Variants in AOAH observed in about 807,000 individuals in gnomAD.
AOAH encodes the protein acyloxyacyl hydrolase (neutrophil).
AOAH carries 64 observed loss-of-function variants against 92.2 expected under a neutral mutation model. The observed-to-expected ratio is 0.69, with a 90% CI of 0.57 to 0.86. AOAH has a LOEUF of 0.86. AOAH is among the 40% of genes least tolerant of loss of function. AOAH has a pLI of 0.00. For synonymous variants in AOAH, 263 were observed against 254.5 expected (o/e 1.03, Z -0.32); for missense variants, 656 against 694.6 (o/e 0.94, Z 0.62).
At chr7:36,582,906 A>C (rs1226416795) in intron 12 of AOAH, among the ~76,000 whole-genome samples, 2 of 151,408 alleles carry the variant, frequency 1.3e-5, no homozygotes, top group Admixed American at 6.6e-5. Context: ...GTGCAGTGGC[A>C]TGATCTCGGC....
intron 13 of AOAH, among the ~76,000 whole-genome samples, chr7:36,549,750 T>C (rs943456485): frequency 6.6e-6 from 1 of 152,182 alleles, no homozygotes; most frequent in African/African-American, 2.4e-5. Context: ...TTCCTAAGCA[T>C]AAATGAGTAA....
In AOAH at chr7:36,690,784, A is replaced by G. The variant is rs112010155; in HGVS notation, c.128-3990T>C. On this transcript the variant is annotated intron_variant, in intron 1 of 20. Coordinates refer to ENST00000617537, the MANE Select transcript of AOAH (RefSeq NM_001637.4). ...ATCTGAAAATAATGAGTACAATAGA[A>G]ACAGACACTCCTGGTAGCACAGGAA... Among the ~76,000 whole-genome samples, 454 of 152,290 alleles carry G rather than the reference A, an allele frequency of 3.0e-3. 1 individual carries two copies. The highest frequency in any genetic ancestry group is 0.011 in the African/African-American group (437 of 41,566).
chr7:36,528,758 G>A (rs1784528149), intron 19 of AOAH, among the ~76,000 whole-genome samples: 2 of 152,194 alleles, frequency 1.3e-5, no homozygotes, highest in South Asian at 4.2e-4. Context: ...ACCATGCCTG[G>A]CTAATAAAAA....
At chr7:36,592,606 C>G (rs1789824688) in intron 12 of AOAH, among the ~76,000 whole-genome samples, 1 of 152,194 alleles carries the variant, frequency 6.6e-6, no homozygotes, top group South Asian at 2.1e-4. Context: ...TGATATGACA[C>G]AAGGTTCCAT....
intron 11 of AOAH, among the ~76,000 whole-genome samples, chr7:36,613,714 G>A (rs1373854768): frequency 6.6e-6 from 1 of 152,210 alleles, no homozygotes; most frequent in African/African-American, 2.4e-5. Flanking sequence ...TTTAGATCAG[G>A]TAGTTGTTTC....
chr7:36,519,928 G>C (rs1784025994), intron 20 of AOAH, among the ~76,000 whole-genome samples: 2 of 152,150 alleles, frequency 1.3e-5, no homozygotes, highest in African/African-American at 4.8e-5. Flanking sequence ...TTGACACTGG[G>C]TAGTCACTCA....
intron 15 of AOAH, 116 bp from the exon 16 acceptor site, chr7:36,540,607 G>T: frequency 3.2e-6 from 3 of 949,444 alleles, no homozygotes; most frequent in Middle Eastern, 3.0e-4. Flanking sequence ...CACACAGTGT[G>T]GTGGTCATTG....
intron 20 of AOAH, among the ~76,000 whole-genome samples, chr7:36,518,895 A>G (rs972421248): frequency 6.6e-6 from 1 of 152,216 alleles, no homozygotes; most frequent in African/African-American, 2.4e-5. Context: ...ATGTGGGAAG[A>G]GAGTGGGCAG....
Position 36,523,592 on chromosome 7 carries a change from C to G in AOAH, c.1523-1477G>C, listed in dbSNP as rs16879401. ...AAGGCACAGTTTTGGGGAAGCTTGC[C>G]TGGCTCAGTCTTCAGTTTGCCTGGC... On this transcript the variant is annotated intron_variant, in intron 19 of 20. Transcript: ENST00000617537. Among the ~76,000 whole-genome samples the G allele has an allele frequency of 7.3e-3, 1,091 of 149,652 alleles. 15 individuals are homozygous for G. The highest frequency in any genetic ancestry group is 0.026 in the African/African-American group (1,040 of 40,562).
intron 11 of AOAH, among the ~76,000 whole-genome samples, chr7:36,596,165 C>A (rs1208020683): frequency 1.5e-5 from 2 of 129,198 alleles, no homozygotes; most frequent in Admixed American, 7.2e-5. Flanking sequence ...AAATGAAAGC[C>A]CCCCCACCCC....
At chr7:36,637,242 G>T (rs528170128) in intron 5 of AOAH, among the ~76,000 whole-genome samples, 2 of 152,276 alleles carry the variant, frequency 1.3e-5, no homozygotes, top group South Asian at 4.1e-4. Flanking sequence ...CGAGGACTTG[G>T]TAAGTCCTAG....
At position 36,616,787 on chromosome 7, in the gene AOAH, C is replaced by A. The variant is rs148284886; in HGVS notation, c.752-313G>T. Among the ~76,000 whole-genome samples the A allele has an allele frequency of 2.2e-4, 34 of 152,178 alleles. No homozygotes were observed. In the South Asian group the frequency reaches 2.5e-3, roughly 11 times the overall value. On this transcript the variant is annotated intron_variant, in intron 10 of 20. Coordinates refer to ENST00000617537, the MANE Select transcript of AOAH (RefSeq NM_001637.4). ...GCTTTATCTGAAATCCGAAATATAC[C>A]CAAATTTTGGTTCTGGAAATTGCTT...
chr7:36,532,815 A>C (rs1182093746), intron 16 of AOAH, among the ~76,000 whole-genome samples: 5 of 152,114 alleles, frequency 3.3e-5, no homozygotes, highest in African/African-American at 1.2e-4. Flanking sequence ...GGTCTGACCG[A>C]ATTATCCCAC....
At chr7:36,638,811 A>T (rs1035292966) in intron 4 of AOAH, among the ~76,000 whole-genome samples, 2 of 152,238 alleles carry the variant, frequency 1.3e-5, no homozygotes, top group African/African-American at 2.4e-5. Context: ...GATGCTCTTC[A>T]GGTGGGTTTG....
intron 20 of AOAH, among the ~76,000 whole-genome samples, chr7:36,520,908 A>G (rs1784074910): frequency 1.3e-5 from 2 of 152,164 alleles, no homozygotes; most frequent in African/African-American, 4.8e-5. Context: ...GGCTATTTAA[A>G]TCCGTGAGGT....
intron 4 of AOAH, among the ~76,000 whole-genome samples, chr7:36,652,822 A>T (rs1021259481): frequency 7.9e-5 from 12 of 152,232 alleles, no homozygotes; most frequent in South Asian, 2.1e-4. Flanking sequence ...AAAGATGAAG[A>T]CTCTGTCACA....
intron 12 of AOAH, among the ~76,000 whole-genome samples, chr7:36,587,676 A>G (rs1292406438): frequency 6.6e-6 from 1 of 152,234 alleles, no homozygotes; most frequent in Non-Finnish European, 1.5e-5. Flanking sequence ...ACATTAGAAG[A>G]GTCTTAGACT....
chr7:36,688,840 T>G (rs1467619662), intron 1 of AOAH, among the ~76,000 whole-genome samples: 1 of 152,102 alleles, frequency 6.6e-6, no homozygotes, highest in Non-Finnish European at 1.5e-5. Flanking sequence ...TATACATATA[T>G]ATATGTGTAT....
intron 15 of AOAH, among the ~76,000 whole-genome samples, chr7:36,548,310 CAT>C (rs1371938590): frequency 1.3e-5 from 2 of 152,148 alleles, no homozygotes; most frequent in Non-Finnish European, 2.9e-5. Context: ...CTCAGCCTCT[CAT>C]GTAGCTGAGA....
Sources: allele counts gnomAD v4.1 joint callset (sites outside exome capture counted in the v4.1 genomes callset), GRCh38; gene constraint gnomAD v4.1.1; transcripts MANE v1.5; gene names NCBI Gene and HGNC (gene_info 2026-07-23, HGNC 2026-07-21).